Variants in OR51E1 observed in about 807,000 individuals in gnomAD.
OR51E1 encodes the protein olfactory receptor family 51 subfamily E member 1, also known as olfactory receptor 51E1.
In OR51E1, 9 loss-of-function variants were observed where a neutral mutation model predicts 11.5. The observed-to-expected ratio is 0.78, with a 90% CI of 0.47 to 1.37. The LOEUF is 1.37. Ranked by LOEUF, OR51E1 falls within the 40% of genes most tolerant of loss-of-function variation. The probability of loss-of-function intolerance (pLI) is 0.00; values close to 1 mark genes in which losing one functional copy is unlikely to be tolerated. For missense variants in OR51E1, 397 were observed against 410.2 expected, an observed-to-expected ratio of 0.97 and a Z score of 0.28; for synonymous variants, 168 against 158.3, an observed-to-expected ratio of 1.06 and a Z score of -0.46.
chr11:4,655,304 C>G lies in OR51E1; in HGVS notation c.*1821C>G, dbSNP rs1847156284. ...CTCATAAAACCCTCCCATGTGCAGC[C>G]TTTCATGTTGACATTAAATGTGACT... On this transcript the variant is annotated 3_prime_UTR_variant, in exon 2 of 2. Transcript: ENST00000396952. 1 of 167,054 alleles carries G rather than the reference C, an allele frequency of 6.0e-6. No individual in the cohort carries two copies. The highest frequency in any genetic ancestry group is 2.4e-5 in the African/African-American group (1 of 41,428). The allele number at this position is 167,054 out of a possible 1,614,324, so 10.3% of individuals were successfully genotyped here.
intron 1 of OR51E1, among the ~76,000 whole-genome samples, chr11:4,651,303 G>A (rs776291592): frequency 1.3e-5 from 2 of 152,222 alleles, no homozygotes; most frequent in African/African-American, 2.4e-5. Context: ...CCTGAGGTGG[G>A]GGTTCTTGTC....
chr11:4,652,434 TG>T, intron 1 of OR51E1, 53 bp from the exon 2 acceptor site: 2 of 754,712 alleles, frequency 2.7e-6, no homozygotes, highest in Non-Finnish European at 2.3e-6. Flanking sequence ...TAGAGTCAGG[TG>T]TTAGGTATTG....
At position 4,653,565 on chromosome 11, in the gene OR51E1, A is replaced by G; in HGVS notation, c.*82A>G. 3 of 858,228 alleles carry G rather than the reference A, an allele frequency of 3.5e-6. No individual in the cohort carries two copies. The East Asian group carries it at 7.6e-5, about 22-fold the overall frequency. 53.2% of individuals were successfully genotyped at this position (858,228 alleles called of 1,614,324 possible). On this transcript the variant is annotated 3_prime_UTR_variant, in exon 2 of 2. Coordinates refer to ENST00000396952, the MANE Select transcript of OR51E1 (RefSeq NM_152430.4). ...TAACATTTTGGAAGACAGTATTCAG[A>G]AAAAAAATTTCCTTAATAAAAATAC...
intron 1 of OR51E1, 149 bp from the exon 2 acceptor site, chr11:4,652,339 A>G: frequency 1.7e-6 from 1 of 589,962 alleles, no homozygotes; most frequent in Non-Finnish European, 3.0e-6. Flanking sequence ...ATTATGTTAG[A>G]TTATGTGAGA....
intron 1 of OR51E1, among the ~76,000 whole-genome samples, chr11:4,646,538 T>G (rs1294673368): frequency 6.6e-6 from 1 of 152,218 alleles, no homozygotes. Flanking sequence ...ATGGGATTAA[T>G]GATATCTGCT....
Position 4,652,823 on chromosome 11 carries a change from T to C in OR51E1, c.297T>C (p.Ala99=). ...WFNSTTIQFD[A]CLLQMFAIHS... The stretch of plus-strand genomic sequence containing the variant: ...ATTCCACTACCATCCAGTTTGATGC[T>C]TGTCTGCTACAGATGTTTGCCATCC... The change falls in exon 2 of 2, where the codon GCT becomes GCC. Residue 99 remains alanine, a synonymous_variant. Transcript: ENST00000396952. 6.2e-7 allele frequency: 1 copy of C among 1,614,202 alleles called. No homozygotes were observed. The highest frequency in any genetic ancestry group is 8.5e-7 in the Non-Finnish European group (1 of 1,180,016).
chr11:4,644,948 T>A (rs964221461), intron 1 of OR51E1, among the ~76,000 whole-genome samples: 2 of 152,156 alleles, frequency 1.3e-5, no homozygotes, highest in Admixed American at 6.5e-5. Flanking sequence ...CCCAATATCA[T>A]TCTTGCTGGG....
rs1769906415 is a variant in OR51E1 at position 4,654,657 on chromosome 11, G to C, written c.*1174G>C. On this transcript the variant is annotated 3_prime_UTR_variant, in exon 2 of 2. Transcript: ENST00000396952. ...GCCTTTTGAGTGTGACTCGTAGCTG[G>C]AAAGTGAGGGAATCTTCAGGACCAT... 1.8e-5 allele frequency: 3 copies of C among 167,060 alleles called. No homozygotes were observed. Among genetic ancestry groups the C allele is most frequent in the African/African-American group, 7.2e-5 (3 of 41,448 alleles). The allele number at this position is 167,060 out of a possible 1,614,324, so 10.3% of individuals were successfully genotyped here.
rs1315756650 is a variant in OR51E1, at chr11:4,654,153, T to A, written c.*670T>A. The A allele has an allele frequency of 6.0e-6, 1 of 167,050 alleles. No homozygotes were observed. Among genetic ancestry groups the A allele is most frequent in the Non-Finnish European group, 1.5e-5 (1 of 68,122 alleles). The allele number at this position is 167,050 out of a possible 1,614,324, so 10.3% of individuals were successfully genotyped here. On this transcript the variant is annotated 3_prime_UTR_variant, in exon 2 of 2. Transcript: ENST00000396952. ...AAAGATATTATTAGTACCCTCATTG[T>A]AGCCATGGGAAAATTGATGTTCAGT...
intron 1 of OR51E1, among the ~76,000 whole-genome samples, chr11:4,651,827 T>G (rs1208704816): frequency 6.6e-6 from 1 of 152,212 alleles, no homozygotes; most frequent in Non-Finnish European, 1.5e-5. Flanking sequence ...TCAGGATTAA[T>G]TTAGTGTCAG....
chr11:4,649,273 C>G (rs1011563002), intron 1 of OR51E1, among the ~76,000 whole-genome samples: 3 of 151,814 alleles, frequency 2.0e-5, no homozygotes, highest in African/African-American at 7.3e-5. Flanking sequence ...TTAATTATGC[C>G]TAGGTAAAAA....
At chr11:4,650,307 A>T (rs940971699) in intron 1 of OR51E1, among the ~76,000 whole-genome samples, 1 of 152,204 alleles carries the variant, frequency 6.6e-6, no homozygotes, top group African/African-American at 2.4e-5. Context: ...ACCAATAATT[A>T]GTGATTAGAG....
chr11:4,645,570 G>A (rs760627769), intron 1 of OR51E1, among the ~76,000 whole-genome samples: 10 of 152,208 alleles, frequency 6.6e-5, no homozygotes, highest in Non-Finnish European at 8.8e-5. Flanking sequence ...ACAGAAGTCC[G>A]TCAATGATTA....
At chr11:4,645,515 C>T (rs1350450242) in intron 1 of OR51E1, among the ~76,000 whole-genome samples, 1 of 152,180 alleles carries the variant, frequency 6.6e-6, no homozygotes, top group Non-Finnish European at 1.5e-5. Flanking sequence ...TCTCCCCATC[C>T]TTGGAAGGCT....
At position 4,654,928 on chromosome 11, in the gene OR51E1, A is replaced by T. The variant is rs934854121; in HGVS notation, c.*1445A>T. 3.0e-5 allele frequency: 5 copies of T among 167,222 alleles called. No individual in the cohort carries two copies. The highest frequency in any genetic ancestry group is 1.2e-4 in the African/African-American group (5 of 41,586). 10.4% of individuals were successfully genotyped at this position (167,222 alleles called of 1,614,324 possible). A position where few individuals can be genotyped will look rare whatever the true frequency, so the allele number is the denominator to read the frequency against. ...TCAATCCTCAGGTTCCCTGATATGG[A>T]TTCCTATAACATGCTTTCATCCCCT... On this transcript the variant is annotated 3_prime_UTR_variant, in exon 2 of 2. Coordinates refer to ENST00000396952, the MANE Select transcript of OR51E1 (RefSeq NM_152430.4).
In OR51E1 at chr11:4,652,601, G is replaced by T; in HGVS notation, c.75G>T (p.Glu25Asp). The T allele has an allele frequency of 1.9e-6, 3 of 1,614,138 alleles. No individual in the cohort carries two copies. Among genetic ancestry groups the T allele is most frequent in the Non-Finnish European group, 2.5e-6 (3 of 1,180,012 alleles). Residue 25 changes from glutamate (E) to aspartate (D), a missense_variant, in exon 2 of 2, where the codon GAG becomes GAT. Physicochemically the swap from Glu to Asp is conservative, Grantham distance 45. Transcript: ENST00000396952. ...FILIGLPGLE[E>D]AQFWLAFPLC... ...TAATAGGCCTCCCTGGTTTAGAAGA[G>T]GCTCAGTTCTGGTTGGCCTTCCCAT... is the stretch of plus-strand genomic sequence containing the variant.
At chr11:4,646,682 C>T (rs1847034903) in intron 1 of OR51E1, among the ~76,000 whole-genome samples, 1 of 152,170 alleles carries the variant, frequency 6.6e-6, no homozygotes, top group Admixed American at 6.5e-5. Context: ...GTGAGTGTCC[C>T]AAGTTCCAGT....
rs753197104 is a variant in OR51E1 at position 4,653,046 on chromosome 11, T to C, written c.520T>C (p.Ser174Pro). Reference protein sequence around the residue: ...VFIKQLPFCRSNILSHSYCLH... With the variant: ...VFIKQLPFCRPNILSHSYCLH... ...CATCAAGCAGCTGCCCTTCTGCCGC[T>C]CCAATATCCTTTCCCATTCCTACTG... is the stretch of plus-strand genomic sequence containing the variant. Residue 174 changes from serine (S) to proline (P), a missense_variant, in exon 2 of 2, where the codon TCC becomes CCC. By Grantham distance (74) the Ser-to-Pro change is moderately conservative. Transcript: ENST00000396952. 5.6e-6 allele frequency: 9 copies of C among 1,612,822 alleles called. No homozygotes were observed. Among genetic ancestry groups the C allele is most frequent in the Non-Finnish European group, 7.6e-6 (9 of 1,179,096 alleles).
At chr11:4,649,604 A>G (rs1564876828) in intron 1 of OR51E1, among the ~76,000 whole-genome samples, 2 of 152,160 alleles carry the variant, frequency 1.3e-5, no homozygotes, top group Non-Finnish European at 2.9e-5. Context: ...TTTCAAGGGT[A>G]TTTTTTAAAA....
Sources: allele counts gnomAD v4.1 joint callset (sites outside exome capture counted in the v4.1 genomes callset), GRCh38; gene constraint gnomAD v4.1.1; transcripts MANE v1.5; gene names NCBI Gene and HGNC (gene_info 2026-07-23, HGNC 2026-07-21).